PCBP3: variants seen among roughly 807,000 people sequenced by gnomAD.
PCBP3 encodes the protein poly(rC)-binding protein 3.
Under a neutral mutation model 52.7 loss-of-function variants are expected in PCBP3, and 25 were observed. That is an observed-to-expected ratio of 0.47 (90% confidence interval 0.35 to 0.66). The LOEUF is 0.66. Among genes scored for constraint, PCBP3 ranks in the 30% least tolerant of loss-of-function variants. PCBP3 has a pLI of 0.01. For missense variants in PCBP3, 391 were observed against 490.3 expected (o/e 0.80, Z 1.91); for synonymous variants, 162 against 183.0 (o/e 0.89, Z 0.93).
chr21:45,707,344 C>T (rs961975028), intron 2 of PCBP3, among the ~76,000 whole-genome samples: 22 of 151,956 alleles, frequency 1.4e-4, no homozygotes, highest in Middle Eastern at 3.4e-3. Flanking sequence ...GGTGAAACCC[C>T]GTCTCTATTA....
At chr21:45,705,491 G>T (rs1569135543) in intron 2 of PCBP3, among the ~76,000 whole-genome samples, 1 of 152,210 alleles carries the variant, frequency 6.6e-6, no homozygotes, top group Non-Finnish European at 1.5e-5. Context: ...CTAGCAATTG[G>T]TGGCTGTGTT....
chr21:45,888,075 C>T (rs1344835000), intron 5 of PCBP3, among the ~76,000 whole-genome samples: 3 of 152,220 alleles, frequency 2.0e-5, no homozygotes, highest in Admixed American at 6.5e-5. Context: ...CTGGGGTCCT[C>T]ACACTCTGCT....
At position 45,797,063 on chromosome 21, in the gene PCBP3, G is replaced by A. The variant is rs2091955321; in HGVS notation, c.-126+41611G>A. Reference sequence around the variant, plus strand: ...ATGTTCTGATTTTGATCATTGCACTGTGGTTATCTGGATGTTGTTTTGGGG... The same window carrying A: ...ATGTTCTGATTTTGATCATTGCACTATGGTTATCTGGATGTTGTTTTGGGG... On this transcript the variant is annotated intron_variant, in intron 4 of 17. Transcript: ENST00000681687. Among the ~76,000 whole-genome samples the A allele has an allele frequency of 4.6e-5, 7 of 152,358 alleles. No homozygotes were observed. In the South Asian group the frequency reaches 1.0e-3, roughly 23 times the overall value.
Position 45,735,766 on chromosome 21 carries a change from C to G in PCBP3, c.-162+337C>G, listed in dbSNP as rs1474960845. Among the ~76,000 whole-genome samples, 1 of 152,220 alleles carries G rather than the reference C, an allele frequency of 6.6e-6. No individual in the cohort carries two copies. Among genetic ancestry groups the G allele is most frequent in the African/African-American group, 2.4e-5 (1 of 41,462 alleles). ...GGCCAGTTGTTAGTGCACTTGGAGC[C>G]TACTGCACGAGCCTACCGCACAAGC... On this transcript the variant is annotated intron_variant, in intron 3 of 17. Transcript: ENST00000681687. This position sits in a 1 kb window ranked among gnomAD's most constrained non-coding sequence, Gnocchi z 4.0.
intron 2 of PCBP3, among the ~76,000 whole-genome samples, chr21:45,719,574 G>A (rs1472738704): frequency 6.6e-6 from 1 of 152,002 alleles, no homozygotes; most frequent in South Asian, 2.1e-4. Flanking sequence ...TGCTGTTCTC[G>A]TGATAGTGAG....
At chr21:45,677,130 A>G (rs1320144792) in intron 2 of PCBP3, among the ~76,000 whole-genome samples, 1 of 152,242 alleles carries the variant, frequency 6.6e-6, no homozygotes, top group African/African-American at 2.4e-5. Flanking sequence ...TTGAAATCCC[A>G]GACAGGCCGA....
Position 45,941,798 on chromosome 21 carries a change from A to G in PCBP3, c.*92A>G, listed in dbSNP as rs992492575. ...CTGTACAGCCCACCTTCCCTGCCTC[A>G]CAGATACCAATAGAGAGGTTTTCTT... On this transcript the variant is annotated 3_prime_UTR_variant, in exon 18 of 18. Transcript: ENST00000681687. 9.2e-6 allele frequency: 9 copies of G among 979,326 alleles called. No homozygotes were observed. In the African/African-American group the frequency reaches 1.5e-4, roughly 16 times the overall value. 60.7% of individuals were successfully genotyped at this position (979,326 alleles called of 1,614,324 possible). A position where few individuals can be genotyped will look rare whatever the true frequency, so the allele number is the denominator to read the frequency against.
At chr21:45,914,230 C>T (rs2096461441) in intron 12 of PCBP3, 8 of 742,732 alleles carry the variant, frequency 1.1e-5, no homozygotes, top group Non-Finnish European at 1.5e-5. Flanking sequence ...CAGAGACGGC[C>T]CCACGGAATC....
chr21:45,885,211 G>A (rs377464535), intron 5 of PCBP3, among the ~76,000 whole-genome samples: 7 of 152,036 alleles, frequency 4.6e-5, no homozygotes, highest in Non-Finnish European at 5.9e-5. Context: ...TGAGCAGTTC[G>A]GGGCCACGTC....
intron 2 of PCBP3, among the ~76,000 whole-genome samples, chr21:45,701,863 A>C (rs1394500145): frequency 6.6e-6 from 1 of 152,198 alleles, no homozygotes; most frequent in Non-Finnish European, 1.5e-5. Context: ...CCCAGCCCCA[A>C]AATAACATTT....
At chr21:45,682,241 C>A (rs753996747) in intron 2 of PCBP3, among the ~76,000 whole-genome samples, 1 of 152,174 alleles carries the variant, frequency 6.6e-6, no homozygotes, top group Non-Finnish European at 1.5e-5. Flanking sequence ...ACTATGAACA[C>A]CCAGGGAATT....
chr21:45,806,749 C>T (rs991170221), intron 4 of PCBP3, among the ~76,000 whole-genome samples: 1 of 152,042 alleles, frequency 6.6e-6, no homozygotes, highest in South Asian at 2.1e-4. Context: ...CCCCACGGAA[C>T]ATCTCTTTGG....
intron 4 of PCBP3, among the ~76,000 whole-genome samples, chr21:45,787,875 A>G (rs2091268267): frequency 6.6e-6 from 1 of 152,222 alleles, no homozygotes; most frequent in Admixed American, 6.5e-5. Context: ...TTGCAACAGG[A>G]AAAGTTGAAA....
At chr21:45,683,787 G>A (rs377345087) in intron 2 of PCBP3, among the ~76,000 whole-genome samples, 4 of 151,984 alleles carry the variant, frequency 2.6e-5, no homozygotes, top group Non-Finnish European at 5.9e-5. Context: ...TGATCCCGGC[G>A]TGGTAGCAGG....
At chr21:45,820,007 G>A (rs1217887121) in intron 4 of PCBP3, among the ~76,000 whole-genome samples, 1 of 152,204 alleles carries the variant, frequency 6.6e-6, no homozygotes, top group Non-Finnish European at 1.5e-5. Flanking sequence ...AGGCCCGCTG[G>A]GGAAGGTGGG....
chr21:45,839,184 A>G (rs2093649509), intron 4 of PCBP3, among the ~76,000 whole-genome samples: 1 of 152,132 alleles, frequency 6.6e-6, no homozygotes, highest in Non-Finnish European at 1.5e-5. Flanking sequence ...CTCTTTTTAC[A>G]TAATTTCTAT....
chr21:45,666,718 G>T (rs2080819891), intron 1 of PCBP3, among the ~76,000 whole-genome samples: 1 of 149,434 alleles, frequency 6.7e-6, no homozygotes, highest in Non-Finnish European at 1.5e-5. Flanking sequence ...ATCCGCTATT[G>T]TTCTTATTGA....
chr21:45,941,859 C>T lies in PCBP3; in HGVS notation c.*153C>T. On this transcript the variant is annotated 3_prime_UTR_variant, in exon 18 of 18. Transcript: ENST00000681687. The stretch of plus-strand genomic sequence containing the variant: ...AGGACGTATGCCATGGAGAAACACA[C>T]CCGCGCACACAGCTGCTCTCTACAG... 1 of 544,658 alleles carries T rather than the reference C, an allele frequency of 1.8e-6. No homozygotes were observed. The highest frequency in any genetic ancestry group is 3.3e-5 in the East Asian group (1 of 30,196). The allele number at this position is 544,658 out of a possible 1,614,324, so 33.7% of individuals were successfully genotyped here.
At chr21:45,679,360 G>T (rs2081684578) in intron 2 of PCBP3, among the ~76,000 whole-genome samples, 1 of 151,948 alleles carries the variant, frequency 6.6e-6, no homozygotes, top group African/African-American at 2.4e-5. Flanking sequence ...ACCTCAAGTG[G>T]TCCACTCACC....
Sources: allele counts gnomAD v4.1 joint callset (sites outside exome capture counted in the v4.1 genomes callset), GRCh38; gene constraint gnomAD v4.1.1; non-coding constraint Gnocchi (gnomAD v3.1); transcripts MANE v1.5; gene names NCBI Gene and HGNC (gene_info 2026-07-23, HGNC 2026-07-21).